The following PGR variants were observed in gnomAD, a reference collection of about 807,000 sequenced individuals.
PGR encodes progesterone receptor.
A neutral mutation model predicts 76.1 loss-of-function variants in PGR; 25 were observed. That is an observed-to-expected ratio of 0.33 (90% CI 0.24 to 0.46). The LOEUF is 0.46. Among genes scored for constraint, PGR ranks in the 20% least tolerant of loss-of-function variants. The pLI is 1.00. For missense variants in PGR, 1,172 were observed against 1,225.3 expected, an observed-to-expected ratio of 0.96 and a Z score of 0.65; for synonymous variants, 579 against 535.0, an observed-to-expected ratio of 1.08 and a Z score of -1.14.
At position 101,127,872 on chromosome 11, in the gene PGR, G is replaced by T. The variant is rs1862922851; in HGVS notation, c.1199C>A (p.Ser400Tyr). ...ACCGGCCACAAGGTAGGAACGCGGG[G>T]AGCGCGCGGAGGCCTCCGCGCCTTC... ...EEEGAEASAR[S>Y]PRSYLVAGAN... The change falls in exon 1 of 8, where the codon TCC becomes TAC. Residue 400 changes from serine to tyrosine, a missense_variant. By Grantham distance (144) the Ser-to-Tyr change is moderately radical. Coordinates refer to ENST00000325455, the MANE Select transcript of PGR (RefSeq NM_000926.4). 1 of 1,601,748 alleles carries T rather than the reference G, an allele frequency of 6.2e-7. No homozygotes were observed. Among genetic ancestry groups the T allele is most frequent in the Non-Finnish European group, 8.5e-7 (1 of 1,177,762 alleles).
Position 101,128,377 on chromosome 11 carries a change from A to G in PGR, c.694T>C (p.Ser232Pro). Residue 232 changes from serine (S) to proline (P), a missense_variant, in exon 1 of 8, where the codon TCT becomes CCT. This residue lies in a region of PGR where 893 missense variants were observed against 785.9 expected (regional missense o/e 1.14). Transcript: ENST00000325455. ...TTGCCCTTCAGAAGCGGACCCGCAG[A>G]CTCCTCGGACTCAGAGCCATCCTCC... ...EEEDGSESEESAGPLLKGKPR... is the reference protein window; with the variant it reads ...EEEDGSESEEPAGPLLKGKPR... 6.2e-7 allele frequency: 1 copy of G among 1,607,772 alleles called. No individual in the cohort carries two copies.
At chr11:101,110,233 G>C (rs1202777546) in intron 2 of PGR, among the ~76,000 whole-genome samples, 1 of 152,198 alleles carries the variant, frequency 6.6e-6, no homozygotes. Context: ...GGCTACAGCT[G>C]CCATAGATTG....
In PGR at chr11:101,128,121, G is replaced by T; in HGVS notation, c.950C>A (p.Ala317Glu). 1.9e-6 allele frequency: 3 copies of T among 1,598,692 alleles called. No individual in the cohort carries two copies. The highest frequency in any genetic ancestry group is 2.5e-6 in the Non-Finnish European group (3 of 1,179,766). ...TTCCAGCAGCTGCCGAGTGCGGGCT[G>T]CCAATAAGGCGTGATTGAGAGGCAG... The part of the protein sequence containing the change: ...PILPLNHALL[A>E]ARTRQLLEDE... The change falls in exon 1 of 8, where the codon GCA becomes GAA. Residue 317 changes from alanine (A) to glutamate (E), a missense_variant. Transcript: ENST00000325455.
At chr11:101,080,857 T>G (rs1180856258) in intron 3 of PGR, among the ~76,000 whole-genome samples, 5 of 152,060 alleles carry the variant, frequency 3.3e-5, no homozygotes, top group Non-Finnish European at 1.5e-5. Flanking sequence ...ATCAATAGAC[T>G]GGATCAAGCA....
chr11:101,045,600 G>A (rs1011353246), intron 6 of PGR, among the ~76,000 whole-genome samples: 2 of 151,864 alleles, frequency 1.3e-5, no homozygotes, highest in African/African-American at 2.4e-5. Flanking sequence ...ATGACTTCCT[G>A]TTCCATCCAT....
At chr11:101,120,996 G>A (rs1318249315) in intron 2 of PGR, among the ~76,000 whole-genome samples, 3 of 152,266 alleles carry the variant, frequency 2.0e-5, no homozygotes, top group Non-Finnish European at 4.4e-5. Flanking sequence ...GACACCAAAT[G>A]CTATCTTTTT....
intron 6 of PGR, among the ~76,000 whole-genome samples, chr11:101,048,107 G>A (rs975531827): frequency 6.6e-6 from 1 of 152,114 alleles, no homozygotes; most frequent in African/African-American, 2.4e-5. Flanking sequence ...AAGCCACTAG[G>A]AAGGGGTGAA....
chr11:101,102,428 G>GT (rs1862022667), intron 2 of PGR, among the ~76,000 whole-genome samples: 1 of 152,130 alleles, frequency 6.6e-6, no homozygotes, highest in South Asian at 2.1e-4. Flanking sequence ...ATTCCTTAAA[G>GT]TTTTTTGTAT....
In PGR at chr11:101,038,873, T is replaced by C. The variant is rs1859600624; in HGVS notation, c.*243A>G. The C allele has an allele frequency of 2.4e-6, 1 of 419,670 alleles. No homozygotes were observed. The highest frequency in any genetic ancestry group is 4.3e-6 in the Non-Finnish European group (1 of 233,348). The allele number at this position is 419,670 out of a possible 1,614,324, so 26.0% of individuals were successfully genotyped here. ...AGATAGTTTACTTTAACAATTTTAG[T>C]ACTTTTTCAATCTTGTAAATTCTTC... On this transcript the variant is annotated 3_prime_UTR_variant, in exon 8 of 8. Coordinates refer to ENST00000325455, the MANE Select transcript of PGR (RefSeq NM_000926.4).
chr11:101,094,493 T>C (rs1039013163), intron 2 of PGR, among the ~76,000 whole-genome samples: 1 of 152,210 alleles, frequency 6.6e-6, no homozygotes, highest in Non-Finnish European at 1.5e-5. Flanking sequence ...CTTACTTTGC[T>C]TATTCCTTAT....
At chr11:101,059,050 T>C (rs557889142) in intron 4 of PGR, among the ~76,000 whole-genome samples, 2 of 152,070 alleles carry the variant, frequency 1.3e-5, no homozygotes, top group Non-Finnish European at 2.9e-5. Context: ...CTTGAAAAGG[T>C]TGAGAACCAT....
At chr11:101,124,288 C>T (rs377219616) in intron 2 of PGR, among the ~76,000 whole-genome samples, 23 of 152,192 alleles carry the variant, frequency 1.5e-4, no homozygotes, top group East Asian at 5.8e-4. Context: ...AACAAAATGA[C>T]GAGAAAGCAT....
chr11:101,062,319 C>T, intron 4 of PGR, 128 bp downstream of exon 4: 1 of 734,106 alleles, frequency 1.4e-6, no homozygotes, highest in East Asian at 2.7e-5. Flanking sequence ...ACTGCTCAAA[C>T]ACATACTATC....
intron 2 of PGR, among the ~76,000 whole-genome samples, chr11:101,122,815 T>C (rs1372692151): frequency 1.3e-5 from 2 of 152,026 alleles, no homozygotes; most frequent in Non-Finnish European, 2.9e-5. Flanking sequence ...GGGAGGGAGG[T>C]GAAGAAACTG....
In PGR at chr11:101,035,806, T is replaced by C; in HGVS notation, c.*3310A>G. 4.3e-6 allele frequency: 1 copy of C among 232,132 alleles called. No individual in the cohort carries two copies. The highest frequency in any genetic ancestry group is 8.5e-6 in the Non-Finnish European group (1 of 117,378). 14.4% of individuals were successfully genotyped at this position (232,132 alleles called of 1,614,324 possible). On this transcript the variant is annotated 3_prime_UTR_variant, in exon 8 of 8. Transcript: ENST00000325455. ...AATTTCAAATGAATTCAACCAAATATATCATAGCACATGGTGACATAAATA... is the reference window on the plus strand; with the variant it reads ...AATTTCAAATGAATTCAACCAAATACATCATAGCACATGGTGACATAAATA...
At chr11:101,121,733 C>G (rs965752449) in intron 2 of PGR, among the ~76,000 whole-genome samples, 2 of 152,194 alleles carry the variant, frequency 1.3e-5, no homozygotes, top group Non-Finnish European at 2.9e-5. Context: ...AAACTTTAGT[C>G]AACAGCCAGC....
At chr11:101,090,483 T>C (rs748808761) in intron 3 of PGR, among the ~76,000 whole-genome samples, 7 of 152,266 alleles carry the variant, frequency 4.6e-5, no homozygotes, top group Non-Finnish European at 8.8e-5. Flanking sequence ...GTCTTTCTTC[T>C]GGCTCCGACA....
chr11:101,045,142 A>C (rs977801095), intron 6 of PGR, among the ~76,000 whole-genome samples: 1 of 152,310 alleles, frequency 6.6e-6, no homozygotes, highest in South Asian at 2.1e-4. Flanking sequence ...AGAGATACAA[A>C]CTTATGAAAA....
rs921222978 is a variant in PGR at position 101,035,658 on chromosome 11, C to T, written c.*3458G>A. On this transcript the variant is annotated 3_prime_UTR_variant, in exon 8 of 8. Transcript: ENST00000325455. ...CACTTAAAAATGTTAAAATCAGTGTCATTATTTTAAAATGTCTACAATGGA... is the reference window on the plus strand; with the variant it reads ...CACTTAAAAATGTTAAAATCAGTGTTATTATTTTAAAATGTCTACAATGGA... 1 of 230,896 alleles carries T rather than the reference C, an allele frequency of 4.3e-6. No individual in the cohort carries two copies. Among genetic ancestry groups the T allele is most frequent in the African/African-American group, 2.2e-5 (1 of 45,166 alleles). 14.3% of individuals were successfully genotyped at this position (230,896 alleles called of 1,614,324 possible).
Sources: gnomAD v4.1 joint callset for allele counts (sites outside exome capture counted in the v4.1 genomes callset) on GRCh38, gnomAD v4.1.1 for gene constraint, gnomAD v4.1.1 regional missense constraint, MANE v1.5 for transcripts, NCBI Gene and HGNC (gene_info 2026-07-23, HGNC 2026-07-21) for gene names.